Variants in NIPBL observed in about 807,000 individuals in gnomAD.
NIPBL encodes nipped-B-like protein.
Under a neutral mutation model 321.8 loss-of-function variants are expected in NIPBL, and 19 were observed. That is an observed-to-expected ratio of 0.06 (90% CI 0.04 to 0.09). The LOEUF (loss-of-function observed/expected upper bound fraction) is 0.09. Ranked by LOEUF, NIPBL falls within the 10% of genes least tolerant of loss-of-function variation. The probability of loss-of-function intolerance (pLI) is 1.00; values close to 1 mark genes in which losing one functional copy is unlikely to be tolerated. For missense variants in NIPBL, 2,210 were observed against 3,327.0 expected, an observed-to-expected ratio of 0.66 and a Z score of 8.26; for synonymous variants, 1,106 against 1,114.1, an observed-to-expected ratio of 0.99 and a Z score of 0.14.
intron 1 of NIPBL, among the ~76,000 whole-genome samples, chr5:36,892,307 T>C (rs1043534624): frequency 3.9e-5 from 6 of 152,122 alleles, no homozygotes; most frequent in African/African-American, 1.4e-4. Flanking sequence ...GGAGAGGATG[T>C]GGAGAAATAG....
chr5:36,933,259 T>C (rs919599308), intron 1 of NIPBL, among the ~76,000 whole-genome samples: 2 of 152,158 alleles, frequency 1.3e-5, no homozygotes, highest in African/African-American at 4.8e-5. Context: ...ACGAGTTTCA[T>C]GGTTACTTAT....
intron 1 of NIPBL, among the ~76,000 whole-genome samples, chr5:36,903,307 G>A (rs1747377344): frequency 6.6e-6 from 1 of 152,146 alleles, no homozygotes. Flanking sequence ...GTACTATGTT[G>A]AGTAGGAATA....
intron 8 of NIPBL, among the ~76,000 whole-genome samples, chr5:36,973,746 G>A (rs1743148224): frequency 6.6e-6 from 1 of 152,118 alleles, no homozygotes; most frequent in South Asian, 2.1e-4. Context: ...TGGGATTACA[G>A]GCGTGAGCCA....
intron 32 of NIPBL, among the ~76,000 whole-genome samples, chr5:37,027,824 G>A (rs1465326583): frequency 6.6e-6 from 1 of 151,740 alleles, no homozygotes; most frequent in Non-Finnish European, 1.5e-5. Context: ...TTACTATGTT[G>A]GCCAGGCTGG....
chr5:36,941,441 C>G (rs1006958432), intron 1 of NIPBL, among the ~76,000 whole-genome samples: 3 of 150,640 alleles, frequency 2.0e-5, no homozygotes, highest in African/African-American at 7.3e-5. Flanking sequence ...AAAAATCAAT[C>G]AGCTATCACA....
At position 37,024,100 on chromosome 5, in the gene NIPBL, GGTTGCA is replaced by G. The variant is rs1749982219; in HGVS notation, c.5575-482_5575-477del. ...GAATCGCTTGAGCCTGGGAGGCAGAGGTTGCAGTGAGCTGAGATCGCACCATTGTTA... is the reference window on the plus strand; with the variant it reads ...GAATCGCTTGAGCCTGGGAGGCAGAGGTGAGCTGAGATCGCACCATTGTTA... On this transcript the variant is annotated intron_variant, in intron 29 of 46. Transcript: ENST00000282516. 2.6e-5 allele frequency among the ~76,000 whole-genome samples: 4 copies of G among 152,076 alleles called. No homozygotes were observed. The South Asian group carries it at 6.2e-4, about 24-fold the overall frequency.
chr5:36,985,690 A>C lies in NIPBL; in HGVS notation c.2510A>C (p.Gln837Pro), dbSNP rs1431017909. 1.2e-6 allele frequency: 2 copies of C among 1,613,846 alleles called. No homozygotes were observed. Among genetic ancestry groups the C allele is most frequent in the African/African-American group, 2.7e-5 (2 of 74,910 alleles). The change falls in exon 10 of 47, where the codon CAG becomes CCG. Residue 837 changes from glutamine to proline, a missense_variant. Transcript: ENST00000282516. ...RGESERHRGD[Q>P]SRVRRPETLR... ...GAATCAGAGCGACATCGAGGGGATCAGTCTAGGGTTCGAAGACCAGAAACA... is the reference window on the plus strand; with the variant it reads ...GAATCAGAGCGACATCGAGGGGATCCGTCTAGGGTTCGAAGACCAGAAACA...
intron 1 of NIPBL, among the ~76,000 whole-genome samples, chr5:36,937,644 CCAA>C (rs1224711260): frequency 1.3e-5 from 2 of 152,170 alleles, no homozygotes; most frequent in East Asian, 3.9e-4. Flanking sequence ...ATTATGTCAT[CCAA>C]CGTCTTTCTG....
chr5:37,015,160 G>A lies in NIPBL; in HGVS notation c.4643+395G>A, dbSNP rs560396729. Among the ~76,000 whole-genome samples the A allele has an allele frequency of 1.3e-4, 19 of 149,504 alleles. No individual in the cohort carries two copies. In the South Asian group the frequency reaches 3.6e-3, roughly 28 times the overall value. On this transcript the variant is annotated intron_variant, in intron 22 of 46. Coordinates refer to ENST00000282516, the MANE Select transcript of NIPBL (RefSeq NM_133433.4). ...TTTAATGAGACAGAGTTTCGCTCTT[G>A]TTGCCCAGGCTGGAGTGCAATGGCA...
At chr5:37,033,623 A>G (rs887380583) in intron 32 of NIPBL, among the ~76,000 whole-genome samples, 13 of 148,988 alleles carry the variant, frequency 8.7e-5, no homozygotes, top group African/African-American at 3.2e-4. Flanking sequence ...GGAGAACTTT[A>G]AAACTTTTAG....
rs190257509 is a variant in NIPBL at position 36,933,564 on chromosome 5, A to G, written c.-79-20054A>G. ...AGGATTATAAATTAGAATCCATAAC[A>G]TGGTAAAAGAAGTTTGTTTTTAATG... On this transcript the variant is annotated intron_variant, in intron 1 of 46. Transcript: ENST00000282516. 1.3e-4 allele frequency among the ~76,000 whole-genome samples: 20 copies of G among 152,278 alleles called. No individual in the cohort carries two copies. In the East Asian group the frequency reaches 3.9e-3, roughly 29 times the overall value.
At chr5:37,012,309 C>T (rs1243106552) in intron 21 of NIPBL, among the ~76,000 whole-genome samples, 2 of 148,358 alleles carry the variant, frequency 1.3e-5, no homozygotes, top group African/African-American at 5.1e-5. Flanking sequence ...GCCACCATGC[C>T]GGGCTAATTT....
intron 24 of NIPBL, 104 bp from the exon 25 acceptor site, chr5:37,019,207 C>T: frequency 1.3e-6 from 1 of 777,620 alleles, no homozygotes; most frequent in Non-Finnish European, 2.2e-6. Flanking sequence ...GTTGTATTTT[C>T]ATTTTTAATA....
At chr5:37,044,612 C>G (rs369103418) in intron 35 of NIPBL, 24 bp from the exon 36 acceptor site, 1 of 1,602,046 alleles carries the variant, frequency 6.2e-7, no homozygotes, top group Non-Finnish European at 8.5e-7. Context: ...TAACTTTTAT[C>G]TAAACATTTT....
chr5:36,995,884 G>A (rs1337643550), intron 11 of NIPBL, 80 bp downstream of exon 11: 8 of 1,325,278 alleles, frequency 6.0e-6, no homozygotes, highest in Admixed American at 3.8e-5. Flanking sequence ...TAATTTGGGG[G>A]TTTAGCAAAA....
intron 1 of NIPBL, among the ~76,000 whole-genome samples, chr5:36,900,679 T>G (rs1431622254): frequency 1.3e-5 from 2 of 152,068 alleles, no homozygotes; most frequent in Admixed American, 6.6e-5. Context: ...TTTTTTTGTT[T>G]TGTTTTGTTT....
intron 32 of NIPBL, among the ~76,000 whole-genome samples, chr5:37,029,272 C>A (rs1210660583): frequency 6.6e-6 from 1 of 152,178 alleles, no homozygotes; most frequent in Non-Finnish European, 1.5e-5. Context: ...AACTATTGAT[C>A]TACTTTTTCT....
intron 1 of NIPBL, among the ~76,000 whole-genome samples, chr5:36,902,760 T>TTTTG (rs767232416): frequency 6.6e-6 from 1 of 152,176 alleles, no homozygotes; most frequent in South Asian, 2.1e-4. Context: ...TTTAGAAGTT[T>TTTTG]TTTGTTTGTT....
intron 1 of NIPBL, among the ~76,000 whole-genome samples, chr5:36,889,160 A>G (rs935889747): frequency 2.0e-5 from 3 of 152,170 alleles, no homozygotes; most frequent in African/African-American, 7.2e-5. Flanking sequence ...AGCAAGTTTT[A>G]TAGAGGAAAG....
Sources: gnomAD v4.1 joint callset for allele counts (sites outside exome capture counted in the v4.1 genomes callset) on GRCh38, gnomAD v4.1.1 for gene constraint, MANE v1.5 for transcripts, NCBI Gene and HGNC (gene_info 2026-07-23, HGNC 2026-07-21) for gene names.